The following TTC34 variants were observed in gnomAD, a reference collection of about 807,000 sequenced individuals.
TTC34 encodes tetratricopeptide repeat protein 34.
Under a neutral mutation model 40.7 loss-of-function variants are expected in TTC34, and 44 were observed. That is an observed-to-expected ratio of 1.08 (90% CI 0.85 to 1.39). The LOEUF (loss-of-function observed/expected upper bound fraction) is 1.39. TTC34 is among the 40% of genes most tolerant of loss of function. The probability of loss-of-function intolerance (pLI) is 0.00; values close to 1 mark genes in which losing one functional copy is unlikely to be tolerated. For missense variants in TTC34, 884 were observed against 838.0 expected (o/e 1.05, Z -0.68); for synonymous variants, 422 against 398.6 (o/e 1.06, Z -0.70).
In TTC34 at chr1:2,783,726, GAA is replaced by G; in HGVS notation, c.2107_2108del (p.Phe703ProfsTer18). On this transcript the variant is annotated frameshift_variant, in exon 6 of 9. Coordinates refer to ENST00000401095, the Ensembl canonical transcript of TTC34. LOFTEE classifies it high-confidence loss of function. ...ACATGGCCGTCTTCTTCTGGCCCAG[GAA>G]CCCATAGCAGCGGGCTCGGGCAAGG... The G allele has an allele frequency of 6.5e-7, 1 of 1,545,156 alleles. No homozygotes were observed. The highest frequency in any genetic ancestry group is 8.7e-7 in the Non-Finnish European group (1 of 1,143,760).
chr1:2,760,182 GC>G (rs1641650374), intron 6 of TTC34, among the ~76,000 whole-genome samples: 2 of 57,678 alleles, frequency 3.5e-5, no homozygotes, highest in Non-Finnish European at 6.1e-5. Flanking sequence ...GCATCTGACC[GC>G]CCGGAGCAGC....
chr1:2,788,739 C>T (rs1643624050), intron 3 of TTC34, among the ~76,000 whole-genome samples: 1 of 152,192 alleles, frequency 6.6e-6, no homozygotes, highest in African/African-American at 2.4e-5. Context: ...GAACTGCATG[C>T]CTGTCTCCGT....
At chr1:2,688,587 G>C (rs1477150228) in intron 6 of TTC34, among the ~76,000 whole-genome samples, 1 of 139,164 alleles carries the variant, frequency 7.2e-6, no homozygotes, top group African/African-American at 3.0e-5. Context: ...GCGCGCATCC[G>C]ACAGCCTGGA....
At chr1:2,671,914 C>A (rs375135614) in intron 6 of TTC34, among the ~76,000 whole-genome samples, 5,823 of 134,374 alleles carry the variant, frequency 0.043, no homozygotes, top group Non-Finnish European at 0.065. Context: ...CCCACAACCC[C>A]AGGCGAGCAT....
chr1:2,676,824 ACGGCC>A (rs1639918076), intron 6 of TTC34, among the ~76,000 whole-genome samples: 2 of 18,704 alleles, frequency 1.1e-4, no homozygotes, highest in Non-Finnish European at 2.0e-4. Flanking sequence ...TGAGCATCTG[ACGGCC>A]TGGAACAGCA....
chr1:2,688,209 C>T (rs528874693), intron 6 of TTC34, among the ~76,000 whole-genome samples: 4 of 127,220 alleles, frequency 3.1e-5, no homozygotes, highest in East Asian at 4.6e-4. Flanking sequence ...CACCCCACAC[C>T]CCCAGGGGAG....
At chr1:2,639,032 G>C (rs1176925518) in exon 9 of TTC34, 4 of 152,258 alleles carry the variant, frequency 2.6e-5, no homozygotes, top group African/African-American at 9.7e-5. Flanking sequence ...TCCACATGGT[G>C]GAGGGGCTTG....
At chr1:2,647,555 T>G (rs1639044357) in intron 6 of TTC34, among the ~76,000 whole-genome samples, 1 of 152,130 alleles carries the variant, frequency 6.6e-6, no homozygotes, top group African/African-American at 2.4e-5. Context: ...AATTGGTTGA[T>G]CCCAGGAGGT....
chr1:2,683,226 C>G (rs1570803608), intron 6 of TTC34, among the ~76,000 whole-genome samples: 1 of 150,042 alleles, frequency 6.7e-6, no homozygotes, highest in East Asian at 2.0e-4. Flanking sequence ...GGTCGGCACC[C>G]ACACCCCCAA....
Position 2,685,799 on chromosome 1 carries a change from C to A in TTC34, c.2227-40236G>T, listed in dbSNP as rs542044449. On this transcript the variant is annotated intron_variant, in intron 6 of 8. Transcript: ENST00000401095. ...TGACAGCCTGGAACAGAACCCACAC[C>A]CCCAGGTGAGCATCTGACAGACTGG... Among the ~76,000 whole-genome samples, 246 of 94,430 alleles carry A rather than the reference C, an allele frequency of 2.6e-3. 1 individual carries two copies. The highest frequency in any genetic ancestry group is 7.3e-3 in the African/African-American group (157 of 21,374). The allele number at this position is 94,430 out of a possible 152,430, so 61.9% of individuals were successfully genotyped here. A position where few individuals can be genotyped will look rare whatever the true frequency, so the allele number is the denominator to read the frequency against.
Position 2,785,850 on chromosome 1 carries a change from G to T in TTC34, c.2028C>A (p.Ile676=), listed in dbSNP as rs547214393. ...CAAAGATGGCCAGAGACAGGTAGGC[G>T]ATGGCCTCCTTGGTGTGAACCCTGC... The change falls in exon 5 of 9, where the codon ATC becomes ATA. Residue 676 remains isoleucine, a synonymous_variant. Transcript: ENST00000401095. 1.7e-5 allele frequency: 27 copies of T among 1,544,372 alleles called. No individual in the cohort carries two copies. The South Asian group carries it at 3.1e-4, about 18-fold the overall frequency.
At chr1:2,758,763 G>A (rs1352314899) in intron 6 of TTC34, among the ~76,000 whole-genome samples, 1 of 53,820 alleles carries the variant, frequency 1.9e-5, no homozygotes, top group Admixed American at 1.8e-4. Context: ...TGCACCCCCG[G>A]GTGAGGATCA....
intron 6 of TTC34, chr1:2,776,329 C>T (rs1278095249): frequency 2.2e-5 from 3 of 136,676 alleles, no homozygotes; most frequent in Admixed American, 1.4e-4. Context: ...CCACTGCCCC[C>T]AGGTGAGCAT....
intron 6 of TTC34, among the ~76,000 whole-genome samples, chr1:2,688,360 G>A (rs1448504189): frequency 6.9e-6 from 1 of 144,134 alleles, no homozygotes; most frequent in South Asian, 2.2e-4. Flanking sequence ...GCCTGGAGCA[G>A]CACCCACACG....
At chr1:2,755,917 T>A (rs1255575215) in intron 6 of TTC34, among the ~76,000 whole-genome samples, 2 of 80,416 alleles carry the variant, frequency 2.5e-5, no homozygotes, top group Non-Finnish European at 4.3e-5. Flanking sequence ...CAGGTGAGCA[T>A]CTGACAGCCT....
chr1:2,686,094 T>A (rs1264890491), intron 6 of TTC34, among the ~76,000 whole-genome samples: 1 of 126,974 alleles, frequency 7.9e-6, no homozygotes, highest in Non-Finnish European at 1.6e-5. Flanking sequence ...CAGGCGAGCA[T>A]CTGACAGCCT....
chr1:2,795,408 CAT>C (rs1282485584), intron 2 of TTC34, among the ~76,000 whole-genome samples: 3 of 152,348 alleles, frequency 2.0e-5, no homozygotes, highest in South Asian at 4.1e-4. Context: ...TGGCCTCACT[CAT>C]GTGTCCGGGG....
intron 6 of TTC34, among the ~76,000 whole-genome samples, chr1:2,681,843 C>T (rs1267793065): frequency 3.3e-5 from 4 of 119,578 alleles, no homozygotes; most frequent in African/African-American, 1.2e-4. Flanking sequence ...GAGCATCTGA[C>T]AGCCTGGAAC....
chr1:2,687,830 T>G (rs1354410565), intron 6 of TTC34, among the ~76,000 whole-genome samples: 3 of 150,046 alleles, frequency 2.0e-5, no homozygotes, highest in East Asian at 2.0e-4. Flanking sequence ...TCTGATGGTC[T>G]GGAGCATTAC....
Sources: allele counts gnomAD v4.1 joint callset (sites outside exome capture counted in the v4.1 genomes callset), GRCh38; gene constraint gnomAD v4.1.1; transcripts MANE v1.5; gene names NCBI Gene and HGNC (gene_info 2026-07-23, HGNC 2026-07-21).